DCC: variants seen among roughly 807,000 people sequenced by gnomAD.
DCC encodes DCC netrin 1 receptor.
DCC carries 58 observed loss-of-function variants against 172.5 expected under a neutral mutation model. The observed-to-expected ratio is 0.34, with a 90% confidence interval of 0.27 to 0.42. The LOEUF is 0.42. Among genes scored for constraint, DCC ranks in the 10% least tolerant of loss-of-function variants. The pLI, the probability that DCC is intolerant of heterozygous loss-of-function variation, is 1.00. For missense variants in DCC, 1,740 were observed against 1,791.0 expected, an observed-to-expected ratio of 0.97 and a Z score of 0.51; for synonymous variants, 709 against 644.5, an observed-to-expected ratio of 1.10 and a Z score of -1.52.
At chr18:52,399,198 T>C (rs1207514163) in intron 1 of DCC, among the ~76,000 whole-genome samples, 1 of 151,886 alleles carries the variant, frequency 6.6e-6, no homozygotes, top group Non-Finnish European at 1.5e-5. Context: ...AAATATATAG[T>C]GTTTTTTTGT....
At chr18:53,337,020 G>T (rs2057599295) in intron 14 of DCC, among the ~76,000 whole-genome samples, 1 of 152,238 alleles carries the variant, frequency 6.6e-6, no homozygotes, top group African/African-American at 2.4e-5. Context: ...GAAGGATAAA[G>T]TGGAGTCTTA....
intron 5 of DCC, among the ~76,000 whole-genome samples, chr18:52,991,029 C>T (rs963894321): frequency 2.0e-5 from 3 of 152,118 alleles, no homozygotes; most frequent in African/African-American, 7.2e-5. Context: ...AGCTAGTAAG[C>T]GGAGGAGACA....
At chr18:53,209,936 T>G (rs1028420835) in intron 11 of DCC, among the ~76,000 whole-genome samples, 7 of 152,204 alleles carry the variant, frequency 4.6e-5, no homozygotes, top group Non-Finnish European at 1.0e-4. Context: ...TTACAATGTT[T>G]AGGACTTAGA....
At chr18:52,941,790 T>C (rs1289766064) in intron 5 of DCC, among the ~76,000 whole-genome samples, 1 of 152,112 alleles carries the variant, frequency 6.6e-6, no homozygotes, top group Non-Finnish European at 1.5e-5. Context: ...TTTATTTTAT[T>C]TTTTTCTTTT....
chr18:52,584,408 A>AAGAG (rs368208850), intron 1 of DCC, among the ~76,000 whole-genome samples: 4 of 151,492 alleles, frequency 2.6e-5, no homozygotes, highest in South Asian at 2.1e-4. Context: ...GAGAAAGAGA[A>AAGAG]AGAGAGAGAG....
At chr18:52,601,910 T>C (rs1198897203) in intron 1 of DCC, among the ~76,000 whole-genome samples, 1 of 152,088 alleles carries the variant, frequency 6.6e-6, no homozygotes, top group South Asian at 2.1e-4. Context: ...TCTTACTTTT[T>C]TTGACTTATC....
chr18:53,258,967 C>T (rs996935692), intron 12 of DCC, among the ~76,000 whole-genome samples: 2 of 152,110 alleles, frequency 1.3e-5, no homozygotes. Context: ...TATGTAATGG[C>T]CTTCTGTGTC....
intron 7 of DCC, among the ~76,000 whole-genome samples, chr18:53,080,402 G>A (rs1373302861): frequency 6.6e-6 from 1 of 152,106 alleles, no homozygotes; most frequent in African/African-American, 2.4e-5. Flanking sequence ...GCCTGACAAT[G>A]ACAGACTCTC....
chr18:52,416,674 T>C (rs1316179577), intron 1 of DCC, among the ~76,000 whole-genome samples: 4 of 151,852 alleles, frequency 2.6e-5, no homozygotes. Context: ...AAGTCTGTTT[T>C]ATCAGAGACT....
At chr18:53,223,159 T>C (rs1386010218) in intron 12 of DCC, among the ~76,000 whole-genome samples, 1 of 152,220 alleles carries the variant, frequency 6.6e-6, no homozygotes, top group East Asian at 1.9e-4. Context: ...TTAATGTAAA[T>C]AGGACTTAGG....
At chr18:53,316,375 G>A (rs2057344196) in intron 13 of DCC, among the ~76,000 whole-genome samples, 1 of 152,134 alleles carries the variant, frequency 6.6e-6, no homozygotes, top group Non-Finnish European at 1.5e-5. Context: ...ATAGATTGAA[G>A]TCAGGTAGGC....
At chr18:52,361,694 T>A (rs1296618094) in intron 1 of DCC, among the ~76,000 whole-genome samples, 1 of 152,216 alleles carries the variant, frequency 6.6e-6, no homozygotes, top group African/African-American at 2.4e-5. Flanking sequence ...ATTTACTGAA[T>A]TCGAATCTAC....
At chr18:52,437,804 A>G (rs1465940375) in intron 1 of DCC, among the ~76,000 whole-genome samples, 1 of 152,190 alleles carries the variant, frequency 6.6e-6, no homozygotes, top group Non-Finnish European at 1.5e-5. Flanking sequence ...CTGTCCACCT[A>G]TATTCAAGAA....
chr18:52,389,966 A>G (rs910682138), intron 1 of DCC, among the ~76,000 whole-genome samples: 3 of 152,098 alleles, frequency 2.0e-5, no homozygotes. Flanking sequence ...GGAGAGTATT[A>G]TACCAATTTT....
intron 25 of DCC, among the ~76,000 whole-genome samples, chr18:53,486,034 AT>A (rs1360658405): frequency 1.3e-5 from 2 of 152,088 alleles, no homozygotes; most frequent in African/African-American, 2.4e-5. Flanking sequence ...AATGCTAAAC[AT>A]TTTATAAGAA....
chr18:52,724,693 C>T (rs1024099261), intron 1 of DCC, among the ~76,000 whole-genome samples: 1 of 152,144 alleles, frequency 6.6e-6, no homozygotes, highest in Non-Finnish European at 1.5e-5. Context: ...ACTTGTCTCC[C>T]TCTTTCATAG....
chr18:52,467,050 A>AT (rs1988806280), intron 1 of DCC, among the ~76,000 whole-genome samples: 1 of 147,386 alleles, frequency 6.8e-6, no homozygotes, highest in African/African-American at 2.6e-5. Context: ...TTTTTAAAAA[A>AT]AAAATATATA....
chr18:52,892,013 A>C (rs891414383), intron 2 of DCC, among the ~76,000 whole-genome samples: 6 of 152,116 alleles, frequency 3.9e-5, no homozygotes, highest in Admixed American at 3.3e-4. Flanking sequence ...AATAAAATGC[A>C]GACTTACTAA....
chr18:52,612,051 A>T (rs2034285901), intron 1 of DCC, among the ~76,000 whole-genome samples: 1 of 152,118 alleles, frequency 6.6e-6, no homozygotes, highest in Non-Finnish European at 1.5e-5. Flanking sequence ...ATTCATCCAC[A>T]CTTCTGTGGG....
Sources: allele counts gnomAD v4.1 joint callset (sites outside exome capture counted in the v4.1 genomes callset), GRCh38; gene constraint gnomAD v4.1.1; transcripts MANE v1.5; gene names NCBI Gene and HGNC (gene_info 2026-07-23, HGNC 2026-07-21).